TTC7B: variants seen among roughly 807,000 people sequenced by gnomAD.
TTC7B encodes tetratricopeptide repeat protein 7B.
TTC7B carries 28 observed loss-of-function variants against 106.8 expected under a neutral mutation model. That is an observed-to-expected ratio of 0.26 (90% CI 0.19 to 0.36). The LOEUF (loss-of-function observed/expected upper bound fraction) is 0.36, where lower values mean the gene tolerates loss of function less well. TTC7B is among the 10% of genes least tolerant of loss of function. The probability of loss-of-function intolerance (pLI) is 1.00; values close to 1 mark genes in which losing one functional copy is unlikely to be tolerated. For synonymous variants in TTC7B, 405 were observed against 430.6 expected, an observed-to-expected ratio of 0.94 and a Z score of 0.74; for missense variants, 862 against 1,076.4, an observed-to-expected ratio of 0.80 and a Z score of 2.79.
chr14:90,790,076 G>A (rs569168338), intron 1 of TTC7B, among the ~76,000 whole-genome samples: 3 of 152,002 alleles, frequency 2.0e-5, no homozygotes, highest in African/African-American at 7.2e-5. Context: ...GTAGCTAGGG[G>A]ATATCATATT....
At chr14:90,705,153 C>T (rs1888154381) in intron 5 of TTC7B, among the ~76,000 whole-genome samples, 1 of 152,184 alleles carries the variant, frequency 6.6e-6, no homozygotes, top group South Asian at 2.1e-4. Context: ...AGGACAGAGA[C>T]TGGGTCCCTC....
At chr14:90,791,187 C>T (rs547056898) in intron 1 of TTC7B, among the ~76,000 whole-genome samples, 8 of 152,104 alleles carry the variant, frequency 5.3e-5, no homozygotes, top group Admixed American at 1.3e-4. Context: ...TGAACACCTA[C>T]GAATATTCCA....
intron 8 of TTC7B, among the ~76,000 whole-genome samples, chr14:90,680,196 A>G (rs1886996450): frequency 6.6e-6 from 1 of 152,240 alleles, no homozygotes; most frequent in South Asian, 2.1e-4. Flanking sequence ...TGTTCAGCCA[A>G]TACTGGGTGG....
chr14:90,731,238 C>T lies in TTC7B; in HGVS notation c.577-1042G>A, dbSNP rs185576910. On this transcript the variant is annotated intron_variant, in intron 4 of 19. Transcript: ENST00000328459. The stretch of plus-strand genomic sequence containing the variant: ...AGTGCTGGGATTACAGGCGTGAGCC[C>T]CTGCGCCCGGCCTGCTGCTACTCTC... Among the ~76,000 whole-genome samples the T allele has an allele frequency of 7.9e-5, 12 of 152,188 alleles. No homozygotes were observed. The East Asian group carries it at 1.5e-3, about 20-fold the overall frequency.
intron 3 of TTC7B, among the ~76,000 whole-genome samples, chr14:90,764,323 G>C (rs1046465096): frequency 6.6e-6 from 1 of 151,922 alleles, no homozygotes; most frequent in Non-Finnish European, 1.5e-5. Flanking sequence ...AAATGGATCA[G>C]ACACCTAAAT....
chr14:90,598,556 C>A (rs1167860452), intron 17 of TTC7B, among the ~76,000 whole-genome samples: 2 of 152,156 alleles, frequency 1.3e-5, no homozygotes, highest in Admixed American at 6.5e-5. Flanking sequence ...CAAGAGGAAC[C>A]AAGGCCACTG....
chr14:90,800,188 G>T (rs1230933675), intron 1 of TTC7B, among the ~76,000 whole-genome samples: 1 of 152,160 alleles, frequency 6.6e-6, no homozygotes, highest in Non-Finnish European at 1.5e-5. Context: ...GACCCAGGGT[G>T]GGGCTGGAGG....
intron 15 of TTC7B, among the ~76,000 whole-genome samples, chr14:90,641,892 C>T (rs1291421771): frequency 2.0e-5 from 3 of 151,828 alleles, no homozygotes; most frequent in Admixed American, 6.6e-5. Flanking sequence ...AGGAACCATA[C>T]CCTGGAGTCC....
intron 1 of TTC7B, among the ~76,000 whole-genome samples, chr14:90,803,887 T>C (rs981975879): frequency 6.6e-5 from 10 of 151,922 alleles, no homozygotes; most frequent in African/African-American, 2.2e-4. Context: ...GTCACTAGCG[T>C]AGAGCTGGTT....
Position 90,604,139 on chromosome 14 carries a change from AG to A in TTC7B, c.1966+6602del, listed in dbSNP as rs529492550. ...AAGATGCAACATGAAAAATACGGGC[AG>A]GTGGGTCTGTTGTGCAGAAAAGAGT... On this transcript the variant is annotated intron_variant, in intron 17 of 19. Transcript: ENST00000328459. 3.9e-3 allele frequency among the ~76,000 whole-genome samples: 590 copies of A among 152,328 alleles called. 7 individuals are homozygous for A. Among genetic ancestry groups the A allele is most frequent in the African/African-American group, 0.014 (571 of 41,582 alleles).
At chr14:90,667,589 G>A (rs1886462483) in intron 9 of TTC7B, among the ~76,000 whole-genome samples, 1 of 152,112 alleles carries the variant, frequency 6.6e-6, no homozygotes, top group African/African-American at 2.4e-5. Context: ...TATATTTTGA[G>A]TTTCATTGAT....
At chr14:90,637,286 CATATA>C (rs959137235) in intron 15 of TTC7B, among the ~76,000 whole-genome samples, 5 of 151,556 alleles carry the variant, frequency 3.3e-5, no homozygotes, top group Admixed American at 1.3e-4. Context: ...CAAATCCTTA[CATATA>C]ATATAATTAC....
At chr14:90,725,350 G>C (rs559248215) in intron 5 of TTC7B, among the ~76,000 whole-genome samples, 34 of 152,276 alleles carry the variant, frequency 2.2e-4, no homozygotes, top group Admixed American at 2.0e-4. Flanking sequence ...TGCTGCTGCT[G>C]CTGTTGTATC....
intron 17 of TTC7B, among the ~76,000 whole-genome samples, chr14:90,605,133 C>T (rs1220617198): frequency 6.6e-6 from 1 of 152,210 alleles, no homozygotes; most frequent in Non-Finnish European, 1.5e-5. Context: ...GGTTTTAACG[C>T]ATGGTAAAGT....
intron 17 of TTC7B, among the ~76,000 whole-genome samples, chr14:90,606,271 G>A (rs952112874): frequency 6.6e-6 from 1 of 152,148 alleles, no homozygotes; most frequent in African/African-American, 2.4e-5. Flanking sequence ...GTGGCCTATG[G>A]TTGGGGTGTG....
chr14:90,584,987 C>T (rs892378489), intron 18 of TTC7B, among the ~76,000 whole-genome samples: 1 of 152,168 alleles, frequency 6.6e-6, no homozygotes, highest in African/African-American at 2.4e-5. Context: ...GCTCTGTCGG[C>T]TCTCACTGGA....
chr14:90,645,072 A>G (rs1885376875), intron 14 of TTC7B: 1 of 152,190 alleles, frequency 6.6e-6, no homozygotes, highest in African/African-American at 2.4e-5. Context: ...TAGATTTCGA[A>G]ATAGAGCTCT....
intron 4 of TTC7B, among the ~76,000 whole-genome samples, chr14:90,737,567 T>A (rs1400813765): frequency 6.9e-6 from 1 of 145,876 alleles, no homozygotes; most frequent in East Asian, 2.0e-4. Context: ...TTTTTTTTTT[T>A]TTTTGAGATG....
intron 19 of TTC7B, among the ~76,000 whole-genome samples, chr14:90,576,356 TCAAA>T (rs1474911776): frequency 6.6e-6 from 1 of 152,218 alleles, no homozygotes; most frequent in African/African-American, 2.4e-5. Flanking sequence ...GTATTTTTAA[TCAAA>T]CAGACTAACA....
Sources: allele counts gnomAD v4.1 joint callset (sites outside exome capture counted in the v4.1 genomes callset), GRCh38; gene constraint gnomAD v4.1.1; transcripts MANE v1.5; gene names NCBI Gene and HGNC (gene_info 2026-07-23, HGNC 2026-07-21).